CEP120: variants seen among roughly 807,000 people sequenced by gnomAD.
CEP120 encodes the protein centrosomal protein of 120 kDa.
A neutral mutation model predicts 126.5 loss-of-function variants in CEP120; 113 were observed. The ratio of observed to expected loss-of-function variants is 0.89; its 90% CI spans 0.77 to 1.04. The LOEUF (loss-of-function observed/expected upper bound fraction) is 1.04, where lower values mean the gene tolerates loss of function less well. CEP120 is among the 50% of genes least tolerant of loss of function. CEP120 has a pLI of 0.00. For missense variants in CEP120, 1,230 were observed against 1,155.7 expected, an observed-to-expected ratio of 1.06 and a Z score of -0.93; for synonymous variants, 400 against 394.3, an observed-to-expected ratio of 1.01 and a Z score of -0.17.
At chr5:123,383,595 CTT>C in intron 11 of CEP120, among the ~76,000 whole-genome samples, 1 of 152,052 alleles carries the variant, frequency 6.6e-6, no homozygotes. Context: ...TTCCCCTACT[CTT>C]GATTATATTG....
At chr5:123,401,118 A>G (rs553401720) in intron 4 of CEP120, 3 of 1,600,846 alleles carry the variant, frequency 1.9e-6, no homozygotes, top group East Asian at 4.5e-5. Flanking sequence ...ATGAATACTC[A>G]TGTTCTGCAT....
chr5:123,397,901 T>G (rs146616783), intron 5 of CEP120, among the ~76,000 whole-genome samples: 2 of 152,132 alleles, frequency 1.3e-5, no homozygotes, highest in Non-Finnish European at 2.9e-5. Flanking sequence ...CTGAGCAGCA[T>G]AGTGAAACCC....
At chr5:123,354,957 C>A (rs567545820) in intron 18 of CEP120, among the ~76,000 whole-genome samples, 17 of 151,458 alleles carry the variant, frequency 1.1e-4, no homozygotes, top group African/African-American at 4.1e-4. Context: ...CACAACAGTC[C>A]CCAAAGTGTG....
intron 1 of CEP120, chr5:123,422,596 T>G: frequency 2.2e-5 from 33 of 1,478,474 alleles, no homozygotes; most frequent in Non-Finnish European, 2.8e-5. Context: ...GTCAAAGCTC[T>G]TACAAGTGCT....
rs778675981 is a variant in CEP120 at position 123,377,363 on chromosome 5, C to G, written c.2358+11G>C. The stretch of plus-strand genomic sequence containing the variant: ...ACTAAGCATAAAAAGATGACAAGTA[C>G]GTTATCCAACCTGTTGCTGAAGGCG... On this transcript the variant is annotated intron_variant, in intron 16 of 19. Transcript: ENST00000306467. The G allele has an allele frequency of 6.2e-7, 1 of 1,603,096 alleles. No individual in the cohort carries two copies.
intron 4 of CEP120, among the ~76,000 whole-genome samples, chr5:123,400,670 T>TA (rs1484182033): frequency 4.1e-5 from 6 of 147,502 alleles, no homozygotes; most frequent in Non-Finnish European, 6.0e-5. Flanking sequence ...TTTTTTTTTT[T>TA]TTTTGCAGAG....
chr5:123,354,654 TA>T (rs934806966), intron 18 of CEP120, among the ~76,000 whole-genome samples: 1 of 152,076 alleles, frequency 6.6e-6, no homozygotes, highest in African/African-American at 2.4e-5. Flanking sequence ...TTACCTACAG[TA>T]AAATGCCTCT....
At chr5:123,392,388 ACCTCCTGTCCATTACTTTATTTT>A (rs1772463051) in intron 6 of CEP120, among the ~76,000 whole-genome samples, 1 of 152,160 alleles carries the variant, frequency 6.6e-6, no homozygotes, top group Non-Finnish European at 1.5e-5. Context: ...GCTTCTTCTC[ACCTCCTGTCCATTACTTTATTTT>A]AAACAAATGA....
chr5:123,393,488 A>G lies in CEP120; in HGVS notation c.622T>C (p.Cys208Arg), dbSNP rs920528609. 2 of 1,613,398 alleles carry G rather than the reference A, an allele frequency of 1.2e-6. No individual in the cohort carries two copies. Among genetic ancestry groups the G allele is most frequent in the Non-Finnish European group, 1.7e-6 (2 of 1,179,402 alleles). Residue 208 changes from cysteine to arginine, a missense_variant, in exon 6 of 20, where the codon TGT becomes CGT. Coordinates refer to ENST00000306467, the MANE Select transcript of CEP120 (RefSeq NM_001375405.1). ...FATQLEQLIPCTMKLPERQPE... is the reference protein window; with the variant it reads ...FATQLEQLIPRTMKLPERQPE... ...TGTCTTTCTGGAAGTTTCATGGTAC[A>G]TGGAATTAACTAAACATTTCAGGAA...
chr5:123,347,075 A>G (rs1489317352), intron 19 of CEP120, among the ~76,000 whole-genome samples: 1 of 152,192 alleles, frequency 6.6e-6, no homozygotes, highest in African/African-American at 2.4e-5. Flanking sequence ...TCCCAATTTG[A>G]GTAATATTTT....
chr5:123,371,136 T>A (rs562533071), intron 17 of CEP120, among the ~76,000 whole-genome samples: 1 of 152,152 alleles, frequency 6.6e-6, no homozygotes, highest in Admixed American at 6.5e-5. Flanking sequence ...GCATCTCTCA[T>A]CCAAAAATCT....
chr5:123,377,548 G>A lies in CEP120; in HGVS notation c.2197-13C>T, dbSNP rs539956861. On this transcript the variant is annotated splice_polypyrimidine_tract_variant and intron_variant, in intron 15 of 19. Transcript: ENST00000306467. The stretch of plus-strand genomic sequence containing the variant: ...TTTCTCTTTGAAGCTTAAAACAAAG[G>A]CATCTTTAAGAGGTTGGTTTATTGC... 3 of 1,566,530 alleles carry A rather than the reference G, an allele frequency of 1.9e-6. No individual in the cohort carries two copies. Among genetic ancestry groups the A allele is most frequent in the Non-Finnish European group, 2.6e-6 (3 of 1,166,504 alleles).
At chr5:123,373,462 A>G (rs1770991226) in intron 16 of CEP120, among the ~76,000 whole-genome samples, 1 of 152,082 alleles carries the variant, frequency 6.6e-6, no homozygotes, top group African/African-American at 2.4e-5. Context: ...AATCAGGAAT[A>G]GTCTAGAGCA....
rs909761771 is a variant in CEP120, at chr5:123,346,504, C to T, written c.*15G>A. On this transcript the variant is annotated 3_prime_UTR_variant, in exon 20 of 20. Coordinates refer to ENST00000306467, the MANE Select transcript of CEP120 (RefSeq NM_001375405.1). ...ATTTAGACTTAGAGTCTCTATAAAG[C>T]TTTTCCAAATGTTATTAATTACTGG... 3 of 1,577,212 alleles carry T rather than the reference C, an allele frequency of 1.9e-6. No homozygotes were observed. The African/African-American group carries it at 4.1e-5, about 21-fold the overall frequency.
Position 123,393,493 on chromosome 5 carries a change from A to G in CEP120, c.617T>C (p.Ile206Thr), listed in dbSNP as rs1467035884. 4 of 1,612,566 alleles carry G rather than the reference A, an allele frequency of 2.5e-6. No individual in the cohort carries two copies. Among genetic ancestry groups the G allele is most frequent in the Non-Finnish European group, 3.4e-6 (4 of 1,178,852 alleles). The change falls in exon 6 of 20, where the codon ATT becomes ACT. Residue 206 changes from isoleucine to threonine, a missense_variant. Physicochemically the swap from Ile to Thr is moderately conservative, Grantham distance 89. Transcript: ENST00000306467. ...IAFATQLEQL[I>T]PCTMKLPERQ... ...TTCTGGAAGTTTCATGGTACATGGA[A>G]TTAACTAAACATTTCAGGAAAAAGA...
chr5:123,360,638 T>C (rs934335030), intron 18 of CEP120, among the ~76,000 whole-genome samples: 1 of 100,320 alleles, frequency 1.0e-5, no homozygotes, highest in South Asian at 3.4e-4. Context: ...AAAATTACTT[T>C]GCAATGCTTT....
chr5:123,349,885 G>A, intron 19 of CEP120, 59 bp downstream of exon 19: 2 of 1,448,788 alleles, frequency 1.4e-6, no homozygotes, highest in Non-Finnish European at 1.9e-6. Context: ...GAGACCTCAA[G>A]TTGTACCTTC....
intron 4 of CEP120, among the ~76,000 whole-genome samples, chr5:123,405,524 G>C (rs1773585956): frequency 6.6e-6 from 1 of 152,172 alleles, no homozygotes; most frequent in Non-Finnish European, 1.5e-5. Flanking sequence ...AGGGAGAAGA[G>C]AAATACCCAA....
chr5:123,371,740 A>G (rs1006086328), intron 17 of CEP120, among the ~76,000 whole-genome samples: 4 of 152,190 alleles, frequency 2.6e-5, no homozygotes, highest in Non-Finnish European at 5.9e-5. Context: ...TTCCCAACAT[A>G]GATCCAACTC....
Sources: gnomAD v4.1 joint callset for allele counts (sites outside exome capture counted in the v4.1 genomes callset) on GRCh38, gnomAD v4.1.1 for gene constraint, MANE v1.5 for transcripts, NCBI Gene and HGNC (gene_info 2026-07-23, HGNC 2026-07-21) for gene names.